The following SAMD5 variants were observed in gnomAD, a reference collection of about 807,000 sequenced individuals.
The protein encoded by SAMD5 is sterile alpha motif domain-containing protein 5.
Under a neutral mutation model 11.3 loss-of-function variants are expected in SAMD5, and 13 were observed. The observed-to-expected ratio is 1.15, with a 90% CI of 0.75 to 1.83. SAMD5 has a LOEUF of 1.83. Ranked by LOEUF, SAMD5 falls within the 40% of genes most tolerant of loss-of-function variation. The pLI is 0.00. For synonymous variants in SAMD5, 129 were observed against 111.3 expected (o/e 1.16, Z -1.00); for missense variants, 255 against 239.1 (o/e 1.07, Z -0.44).
At chr6:147,522,644 C>T (rs1446567698) in intron 1 of SAMD5, among the ~76,000 whole-genome samples, 2 of 152,196 alleles carry the variant, frequency 1.3e-5, no homozygotes, top group Non-Finnish European at 2.9e-5. Flanking sequence ...CATTCTTTTA[C>T]ACTATATATC....
the SAMD5 span, among the ~76,000 whole-genome samples, chr6:147,784,391 C>A: frequency 1.3e-5 from 2 of 152,136 alleles, no homozygotes; most frequent in African/African-American, 4.8e-5. Context: ...AAAGGTTGTT[C>A]TGACCCACTT....
the SAMD5 span, among the ~76,000 whole-genome samples, chr6:147,828,638 C>T: frequency 6.6e-6 from 1 of 152,216 alleles, no homozygotes; most frequent in Non-Finnish European, 1.5e-5. Flanking sequence ...CTTTGGGACT[C>T]AAACTGACTT....
At position 147,541,748 on chromosome 6, in the gene SAMD5, T is replaced by C. The variant is rs973847392; in HGVS notation, c.460-22646T>C. ...CCAAATCAGATCCCTAACCAAGAAC[T>C]CCAAGAGTATCCCTTCCAAATGATT... On this transcript the variant is annotated intron_variant, in intron 1 of 1. Transcript: ENST00000367474. Among the ~76,000 whole-genome samples, 2 of 152,010 alleles carry C rather than the reference T, an allele frequency of 1.3e-5. 1 individual carries two copies. The highest frequency in any genetic ancestry group is 3.9e-4 in the East Asian group (2 of 5,178).
At chr6:147,898,136 A>C in the SAMD5 span, among the ~76,000 whole-genome samples, 1 of 151,944 alleles carries the variant, frequency 6.6e-6, no homozygotes, top group Non-Finnish European at 1.5e-5. Context: ...CCCTTCCTTC[A>C]GTGGCCAATG....
At chr6:147,610,957 C>T (rs896600066) in intron 1 of SAMD5, among the ~76,000 whole-genome samples, 2 of 151,528 alleles carry the variant, frequency 1.3e-5, no homozygotes. Flanking sequence ...GCAACCTCCG[C>T]CTCCCGAGTT....
At chr6:147,695,478 T>A (rs17330065) in intron 1 of SAMD5, among the ~76,000 whole-genome samples, 17,450 of 152,244 alleles carry the variant, frequency 0.11, 1,091 homozygotes, top group Middle Eastern at 0.16. Context: ...GCATATTAAG[T>A]GGATCAGGAT....
rs552960927 is a variant in SAMD5 at position 147,551,048 on chromosome 6, CA to C, written c.460-13345del. Reference sequence around the variant, plus strand: ...GACACAAATTTCAAATGTGGAAGCACAGTAGAGGGGTTGGGATAGCTGTCAT... The same window carrying C: ...GACACAAATTTCAAATGTGGAAGCACGTAGAGGGGTTGGGATAGCTGTCAT... On this transcript the variant is annotated intron_variant, in intron 1 of 1. Transcript: ENST00000367474. 4.6e-5 allele frequency among the ~76,000 whole-genome samples: 7 copies of C among 152,296 alleles called. No homozygotes were observed. In the East Asian group the frequency reaches 1.4e-3, roughly 29 times the overall value.
At chr6:147,828,929 G>C in the SAMD5 span, among the ~76,000 whole-genome samples, 1 of 152,106 alleles carries the variant, frequency 6.6e-6, no homozygotes, top group South Asian at 2.1e-4. Flanking sequence ...ATAAGAGCTG[G>C]CCAGGCATCC....
the SAMD5 span, among the ~76,000 whole-genome samples, chr6:147,877,627 A>T: frequency 6.6e-6 from 1 of 152,156 alleles, no homozygotes; most frequent in East Asian, 1.9e-4. Context: ...TATTTAAATC[A>T]GTAGACTTTG....
chr6:147,946,012 C>A, the SAMD5 span, among the ~76,000 whole-genome samples: 1 of 152,166 alleles, frequency 6.6e-6, no homozygotes, highest in African/African-American at 2.4e-5. Flanking sequence ...TTCAGCTTTT[C>A]TTCCCACAAC....
At chr6:147,943,068 G>A in the SAMD5 span, among the ~76,000 whole-genome samples, 1,478 of 152,016 alleles carry the variant, frequency 9.7e-3, 19 homozygotes, top group African/African-American at 0.034. Flanking sequence ...TGATTCACCC[G>A]CCTCGGCCTC....
chr6:147,535,148 C>T (rs1291838523), intron 1 of SAMD5, among the ~76,000 whole-genome samples: 5 of 152,178 alleles, frequency 3.3e-5, no homozygotes, highest in East Asian at 3.9e-4. Flanking sequence ...GGCCATTGAT[C>T]GCTTTGACTT....
intron 1 of SAMD5, among the ~76,000 whole-genome samples, chr6:147,705,727 T>C (rs1791316724): frequency 6.6e-6 from 1 of 152,244 alleles, no homozygotes; most frequent in African/African-American, 2.4e-5. Context: ...TTGAATTGCC[T>C]AGGTTTTGAC....
At chr6:147,929,622 G>A in the SAMD5 span, among the ~76,000 whole-genome samples, 1 of 152,110 alleles carries the variant, frequency 6.6e-6, no homozygotes, top group African/African-American at 2.4e-5. Flanking sequence ...TCACTGGTGG[G>A]CATAATTATG....
intron 1 of SAMD5, among the ~76,000 whole-genome samples, chr6:147,722,652 C>T (rs959330676): frequency 1.3e-5 from 2 of 152,106 alleles, no homozygotes; most frequent in African/African-American, 4.8e-5. Flanking sequence ...GGCTAATAGG[C>T]CTCTCCCCTA....
At chr6:147,913,468 G>T in the SAMD5 span, among the ~76,000 whole-genome samples, 1 of 152,164 alleles carries the variant, frequency 6.6e-6, no homozygotes, top group Non-Finnish European at 1.5e-5. Flanking sequence ...GGCTGAGGTG[G>T]GTGGATCACC....
intron 1 of SAMD5, among the ~76,000 whole-genome samples, chr6:147,529,193 G>T (rs1788389645): frequency 6.6e-6 from 1 of 152,294 alleles, no homozygotes. Flanking sequence ...TCACAGGCAT[G>T]TTAGCAATAA....
chr6:147,798,317 C>T, the SAMD5 span, among the ~76,000 whole-genome samples: 2 of 150,650 alleles, frequency 1.3e-5, no homozygotes, highest in East Asian at 1.9e-4. Context: ...GCCTTCATTT[C>T]GTTATGTACC....
the SAMD5 span, among the ~76,000 whole-genome samples, chr6:147,846,451 C>T: frequency 1.3e-5 from 2 of 152,166 alleles, no homozygotes; most frequent in Admixed American, 1.3e-4. Context: ...TAGATGTTAA[C>T]AATGGGGGAA....
Sources: gnomAD v4.1 joint callset for allele counts (sites outside exome capture counted in the v4.1 genomes callset) on GRCh38, gnomAD v4.1.1 for gene constraint, MANE v1.5 for transcripts, NCBI Gene and HGNC (gene_info 2026-07-23, HGNC 2026-07-21) for gene names.